Variants in ABCC4 observed in about 807,000 individuals in gnomAD.
ABCC4 encodes ATP-binding cassette sub-family C member 4.
ABCC4 carries 102 observed loss-of-function variants against 168.5 expected under a neutral mutation model. The ratio of observed to expected loss-of-function variants is 0.61; its 90% CI spans 0.52 to 0.71. ABCC4 has a LOEUF of 0.71. ABCC4 is among the 30% of genes least tolerant of loss of function. The pLI is 0.00. For synonymous variants in ABCC4, 617 were observed against 590.7 expected, an observed-to-expected ratio of 1.04 and a Z score of -0.65; for missense variants, 1,402 against 1,605.8, an observed-to-expected ratio of 0.87 and a Z score of 2.17.
intron 28 of ABCC4, 30 bp from the exon 29 acceptor site, chr13:95,043,817 G>C: frequency 6.6e-7 from 1 of 1,523,126 alleles, no homozygotes; most frequent in Non-Finnish European, 9.1e-7. Flanking sequence ...GTTTAATTTC[G>C]TAAAGATGCA....
chr13:95,119,235 T>C (rs1450944084), intron 19 of ABCC4, among the ~76,000 whole-genome samples: 5 of 152,200 alleles, frequency 3.3e-5, no homozygotes, highest in Admixed American at 3.3e-4. Flanking sequence ...AGGTAGATTT[T>C]TGGGAGCTGG....
chr13:95,200,504 C>T (rs1018204431), intron 8 of ABCC4, among the ~76,000 whole-genome samples: 4 of 152,082 alleles, frequency 2.6e-5, no homozygotes, highest in Non-Finnish European at 5.9e-5. Context: ...GGGTGGATCA[C>T]GAGGTCAAGA....
In ABCC4 at chr13:95,186,875, G is replaced by A. The variant is rs372840314; in HGVS notation, c.1371C>T (p.Ala457=). ...VGAGKSSLLS[A]VLGELAPSHG... ...GACTTGGGGCCAATTCCCCGAGCACGGCACTTAACAGTGATGACTGAAACA... is the reference window on the plus strand; with the variant it reads ...GACTTGGGGCCAATTCCCCGAGCACAGCACTTAACAGTGATGACTGAAACA... Residue 457 remains alanine (A), a synonymous_variant, in exon 11 of 31, where the codon GCC becomes GCT. Transcript: ENST00000645237. 25 of 1,612,264 alleles carry A rather than the reference G, an allele frequency of 1.6e-5. No individual in the cohort carries two copies. The Middle Eastern group carries it at 5.0e-4, about 32-fold the overall frequency.
At chr13:95,229,328 C>A (rs559255403) in intron 4 of ABCC4, among the ~76,000 whole-genome samples, 1 of 152,152 alleles carries the variant, frequency 6.6e-6, no homozygotes, top group Non-Finnish European at 1.5e-5. Context: ...GAAGGACAGA[C>A]AGATACTTTA....
intron 26 of ABCC4, among the ~76,000 whole-genome samples, chr13:95,059,247 G>C (rs927667849): frequency 6.6e-6 from 1 of 152,194 alleles, no homozygotes; most frequent in African/African-American, 2.4e-5. Flanking sequence ...CTTGTTAAGT[G>C]GGTTAAGCTC....
Position 95,199,490 on chromosome 13 carries a change from C to T in ABCC4, c.1162-4553G>A, listed in dbSNP as rs183178632. Among the ~76,000 whole-genome samples the T allele has an allele frequency of 1.2e-3, 180 of 152,290 alleles. 1 individual carries two copies. Among genetic ancestry groups the T allele is most frequent in the Non-Finnish European group, 2.8e-4 (19 of 68,024 alleles). ...TCCCAGTCTTCAAAGCCAAATTCAT[C>T]CCCAAATCTGGTCTTCTAGTATTCC... On this transcript the variant is annotated intron_variant, in intron 8 of 30. Coordinates refer to ENST00000645237, the MANE Select transcript of ABCC4 (RefSeq NM_005845.5).
chr13:95,226,870 C>A (rs2039481159), intron 4 of ABCC4, among the ~76,000 whole-genome samples: 1 of 152,206 alleles, frequency 6.6e-6, no homozygotes, highest in South Asian at 2.1e-4. Context: ...ATTAAACCCG[C>A]AACCCATATG....
At chr13:95,031,059 G>T (rs1466593061) in intron 30 of ABCC4, among the ~76,000 whole-genome samples, 1 of 152,168 alleles carries the variant, frequency 6.6e-6, no homozygotes, top group Non-Finnish European at 1.5e-5. Context: ...CTGTGAGAGC[G>T]AAAAGCTTGT....
Position 95,177,808 on chromosome 13 carries a change from G to A in ABCC4, c.1641-15C>T. ...GATACACTGCTCTAGAAAATACAAA[G>A]AGGTATCAGACTCTCACCCAGGAAC... is the stretch of plus-strand genomic sequence containing the variant. On this transcript the variant is annotated splice_polypyrimidine_tract_variant and intron_variant, in intron 12 of 30. Coordinates refer to ENST00000645237, the MANE Select transcript of ABCC4 (RefSeq NM_005845.5). The A allele has an allele frequency of 6.3e-7, 1 of 1,599,182 alleles. No homozygotes were observed. Among genetic ancestry groups the A allele is most frequent in the Admixed American group, 1.7e-5 (1 of 59,302 alleles).
intron 9 of ABCC4, among the ~76,000 whole-genome samples, chr13:95,193,151 C>G (rs979001771): frequency 7.9e-6 from 1 of 126,558 alleles, no homozygotes; most frequent in African/African-American, 2.5e-5. Flanking sequence ...AAGGAAGAGT[C>G]TGGAGTCTAG....
intron 19 of ABCC4, among the ~76,000 whole-genome samples, chr13:95,151,557 G>GAGA (rs2036679512): frequency 6.7e-6 from 1 of 149,358 alleles, no homozygotes; most frequent in African/African-American, 2.5e-5. Context: ...GGAGGAGGAG[G>GAGA]AGGAGAAGGA....
intron 20 of ABCC4, among the ~76,000 whole-genome samples, chr13:95,090,582 G>A (rs544633624): frequency 5.9e-5 from 9 of 152,162 alleles, no homozygotes; most frequent in Non-Finnish European, 1.3e-4. Context: ...AAGGGAGAGA[G>A]TACTATATCA....
intron 11 of ABCC4, among the ~76,000 whole-genome samples, chr13:95,182,194 G>A (rs540820535): frequency 1.2e-4 from 18 of 152,276 alleles, no homozygotes; most frequent in African/African-American, 3.9e-4. Flanking sequence ...TTTTATGATT[G>A]TCAAGGCAAT....
At chr13:95,145,230 G>A (rs899476697) in intron 19 of ABCC4, among the ~76,000 whole-genome samples, 1 of 152,162 alleles carries the variant, frequency 6.6e-6, no homozygotes, top group Non-Finnish European at 1.5e-5. Flanking sequence ...AAGCAGTCTG[G>A]AGACTTCTCA....
At chr13:95,292,002 GA>G (rs1209408723) in intron 1 of ABCC4, among the ~76,000 whole-genome samples, 2 of 152,002 alleles carry the variant, frequency 1.3e-5, no homozygotes, top group African/African-American at 4.8e-5. Context: ...ATGACCAATT[GA>G]ATGCCTATTC....
At chr13:95,157,449 A>G (rs1466260588) in intron 19 of ABCC4, among the ~76,000 whole-genome samples, 1 of 152,018 alleles carries the variant, frequency 6.6e-6, no homozygotes, top group African/African-American at 2.4e-5. Context: ...GTGAGCTGAG[A>G]TCATGCCACT....
chr13:95,238,213 A>G (rs55983719), intron 3 of ABCC4, among the ~76,000 whole-genome samples: 21,964 of 149,870 alleles, frequency 0.15, 2,192 homozygotes, highest in Non-Finnish European at 0.23. Context: ...AAAAAAAAAA[A>G]AAAGAAATGG....
chr13:95,192,301 T>C (rs529307788), intron 9 of ABCC4, among the ~76,000 whole-genome samples: 99 of 152,188 alleles, frequency 6.5e-4, no homozygotes, highest in African/African-American at 2.0e-3. Context: ...CCCGTGTCTG[T>C]GCCCCTCCTC....
At chr13:95,137,899 A>G (rs2036191544) in intron 19 of ABCC4, among the ~76,000 whole-genome samples, 1 of 152,246 alleles carries the variant, frequency 6.6e-6, no homozygotes, top group Admixed American at 6.5e-5. Context: ...TTGACAGAGA[A>G]CACTATAAAT....
Sources: allele counts gnomAD v4.1 joint callset (sites outside exome capture counted in the v4.1 genomes callset), GRCh38; gene constraint gnomAD v4.1.1; transcripts MANE v1.5; gene names NCBI Gene and HGNC (gene_info 2026-07-23, HGNC 2026-07-21).